The following NUP98 variants were observed in gnomAD, a reference collection of about 807,000 sequenced individuals.
NUP98 encodes nucleoporin 98 and 96 precursor.
In NUP98, 26 loss-of-function variants were observed where a neutral mutation model predicts 191.9. The ratio of observed to expected loss-of-function variants is 0.14; its 90% CI spans 0.10 to 0.19. NUP98 has a LOEUF of 0.19. Ranked by LOEUF, NUP98 falls within the 10% of genes least tolerant of loss-of-function variation. The pLI, the probability that NUP98 is intolerant of heterozygous loss-of-function variation, is 1.00. For missense variants in NUP98, 1,941 were observed against 2,178.8 expected, an observed-to-expected ratio of 0.89 and a Z score of 2.17; for synonymous variants, 808 against 778.4, an observed-to-expected ratio of 1.04 and a Z score of -0.63.
Position 3,702,546 on chromosome 11 carries a change from C to T in NUP98, c.3429G>A (p.Leu1143=). 1 of 1,614,192 alleles carries T rather than the reference C, an allele frequency of 6.2e-7. No individual in the cohort carries two copies. Among genetic ancestry groups the T allele is most frequent in the Non-Finnish European group, 8.5e-7 (1 of 1,180,036 alleles). ...NWTLANSGEQ[L]NGSHELENHQ... Reference sequence around the variant, plus strand: ...GATTTTCTAGTTCATGAGAGCCATTCAGCTGTTCTCCACTATTAGCAAGAG... The same window carrying T: ...GATTTTCTAGTTCATGAGAGCCATTTAGCTGTTCTCCACTATTAGCAAGAG... Residue 1143 remains leucine, a synonymous_variant, in exon 23 of 33, where the codon CTG becomes CTA. Coordinates refer to ENST00000324932, the MANE Select transcript of NUP98 (RefSeq NM_016320.5).
At chr11:3,742,215 G>A (rs541110019) in intron 12 of NUP98, among the ~76,000 whole-genome samples, 4 of 152,212 alleles carry the variant, frequency 2.6e-5, no homozygotes, top group South Asian at 2.1e-4. Flanking sequence ...GTCAGTAAGC[G>A]GTGGTAATAC....
chr11:3,761,498 G>A (rs1188318951), intron 9 of NUP98, among the ~76,000 whole-genome samples: 3 of 152,270 alleles, frequency 2.0e-5, no homozygotes, highest in Middle Eastern at 3.4e-3. Context: ...GGTGGCTCAC[G>A]TCTGTAATCC....
intron 20 of NUP98, among the ~76,000 whole-genome samples, chr11:3,707,958 A>C (rs559392059): frequency 6.6e-6 from 1 of 151,894 alleles, no homozygotes; most frequent in African/African-American, 2.4e-5. Flanking sequence ...AAAATTAGCC[A>C]GGTGTGGTGG....
At chr11:3,711,334 G>A (rs1055879266) in intron 20 of NUP98, among the ~76,000 whole-genome samples, 5 of 152,070 alleles carry the variant, frequency 3.3e-5, no homozygotes, top group African/African-American at 1.2e-4. Flanking sequence ...TTTTCAAAGA[G>A]CTCTCACAAA....
intron 13 of NUP98, among the ~76,000 whole-genome samples, chr11:3,732,107 C>G (rs1016069520): frequency 6.6e-6 from 1 of 152,120 alleles, no homozygotes; most frequent in South Asian, 2.1e-4. Context: ...GTTAGCTGGA[C>G]AGTGGAAGCG....
At chr11:3,709,291 C>T (rs924849230) in intron 20 of NUP98, among the ~76,000 whole-genome samples, 1 of 152,144 alleles carries the variant, frequency 6.6e-6, no homozygotes, top group African/African-American at 2.4e-5. Flanking sequence ...ACCTGTAATT[C>T]CAGCACTTTG....
At position 3,765,420 on chromosome 11, in the gene NUP98, T is replaced by G. The variant is rs565954415; in HGVS notation, c.949-2381A>C. 5.8e-4 allele frequency among the ~76,000 whole-genome samples: 88 copies of G among 152,336 alleles called. 1 individual carries two copies. Among genetic ancestry groups the G allele is most frequent in the African/African-American group, 2.0e-3 (85 of 41,568 alleles). On this transcript the variant is annotated intron_variant, in intron 8 of 32. Coordinates refer to ENST00000324932, the MANE Select transcript of NUP98 (RefSeq NM_016320.5). Reference sequence around the variant, plus strand: ...TTATCTATTTTTTCTTTTCTGCTTTTGCTTTTGGTGTCCTATCTAAGATAT... The same window carrying G: ...TTATCTATTTTTTCTTTTCTGCTTTGGCTTTTGGTGTCCTATCTAAGATAT...
chr11:3,711,168 C>T (rs557615348), intron 20 of NUP98, among the ~76,000 whole-genome samples: 1 of 152,150 alleles, frequency 6.6e-6, no homozygotes, highest in Admixed American at 6.6e-5. Context: ...CTGCTTGAAC[C>T]TGGGAGGCAG....
chr11:3,789,023 G>C (rs1182751227), intron 1 of NUP98, among the ~76,000 whole-genome samples: 1 of 151,846 alleles, frequency 6.6e-6, no homozygotes, highest in East Asian at 1.9e-4. Flanking sequence ...AAAATAAAAA[G>C]TTAAAAAAAT....
chr11:3,731,146 C>G (rs145048844), intron 14 of NUP98, among the ~76,000 whole-genome samples: 5,094 of 152,092 alleles, frequency 0.033, 111 homozygotes, highest in Non-Finnish European at 0.048. Flanking sequence ...CGCCTGTAAT[C>G]CCAGCTACTC....
intron 8 of NUP98, among the ~76,000 whole-genome samples, chr11:3,764,672 G>A (rs150927068): frequency 0.051 from 7,730 of 152,170 alleles, 256 homozygotes; most frequent in Middle Eastern, 0.099. Flanking sequence ...TCCGCCTCCC[G>A]GGTTCAAGAG....
At chr11:3,745,238 C>T (rs2080447116) in intron 11 of NUP98, among the ~76,000 whole-genome samples, 1 of 152,202 alleles carries the variant, frequency 6.6e-6, no homozygotes, top group Admixed American at 6.5e-5. Context: ...ATCTTTCTTA[C>T]AGACAACTAT....
chr11:3,711,411 T>C (rs529089502), intron 20 of NUP98: 1 of 152,272 alleles, frequency 6.6e-6, no homozygotes, highest in Admixed American at 6.5e-5. Context: ...TTAAAGAACC[T>C]AGAAACTACT....
At chr11:3,754,076 A>G (rs1406399475) in intron 10 of NUP98, among the ~76,000 whole-genome samples, 1 of 152,216 alleles carries the variant, frequency 6.6e-6, no homozygotes, top group South Asian at 2.1e-4. Flanking sequence ...AAAGCTTTCA[A>G]TGCAAGTTTC....
intron 1 of NUP98, among the ~76,000 whole-genome samples, chr11:3,783,926 G>A (rs2082057360): frequency 6.6e-6 from 1 of 151,970 alleles, no homozygotes; most frequent in Non-Finnish European, 1.5e-5. Context: ...TAGCTTCATA[G>A]TTTACTCAGA....
intron 10 of NUP98, among the ~76,000 whole-genome samples, chr11:3,758,261 C>T (rs1347812568): frequency 6.0e-5 from 9 of 150,866 alleles, no homozygotes; most frequent in Non-Finnish European, 1.2e-4. Context: ...GCAGGGCTTG[C>T]AGTGAGCCCA....
chr11:3,757,468 CAG>C (rs2081010143), intron 10 of NUP98, among the ~76,000 whole-genome samples: 1 of 151,340 alleles, frequency 6.6e-6, no homozygotes, highest in Non-Finnish European at 1.5e-5. Flanking sequence ...GCCTGGGAGA[CAG>C]AGATCCTGTC....
chr11:3,786,303 A>G (rs1478131401), intron 1 of NUP98, among the ~76,000 whole-genome samples: 1 of 152,214 alleles, frequency 6.6e-6, no homozygotes, highest in East Asian at 1.9e-4. Context: ...AGGGAAAGAC[A>G]CTTCTCTGGC....
intron 27 of NUP98, among the ~76,000 whole-genome samples, chr11:3,692,325 AAAAAAAAAAC>A (rs1206303908): frequency 2.0e-5 from 3 of 151,570 alleles, no homozygotes; most frequent in Non-Finnish European, 2.9e-5. Flanking sequence ...CTCGATTGAA[AAAAAAAAAAC>A]AAAAAAAAAC....
Sources: allele counts gnomAD v4.1 joint callset (sites outside exome capture counted in the v4.1 genomes callset), GRCh38; gene constraint gnomAD v4.1.1; transcripts MANE v1.5; gene names NCBI Gene and HGNC (gene_info 2026-07-23, HGNC 2026-07-21).